PIEZO2: variants seen among roughly 807,000 people sequenced by gnomAD.
The protein encoded by PIEZO2 is piezo type mechanosensitive ion channel component 2, also known as piezo-type mechanosensitive ion channel component 2.
PIEZO2 carries 172 observed loss-of-function variants against 337.3 expected under a neutral mutation model. That is an observed-to-expected ratio of 0.51 (90% confidence interval 0.45 to 0.58). PIEZO2 has a LOEUF of 0.58. Among genes scored for constraint, PIEZO2 ranks in the 20% least tolerant of loss-of-function variants. The pLI is 0.00. For missense variants in PIEZO2, 3,028 were observed against 3,391.3 expected (o/e 0.89, Z 2.66); for synonymous variants, 1,251 against 1,228.5 (o/e 1.02, Z -0.38).
At chr18:10,702,317 G>T in intron 42 of PIEZO2, 146 bp from the exon 43 acceptor site, 1 of 725,908 alleles carries the variant, frequency 1.4e-6, no homozygotes, top group Non-Finnish European at 2.2e-6. Flanking sequence ...ATGTGGAATA[G>T]TAACATTATC....
intron 7 of PIEZO2, among the ~76,000 whole-genome samples, chr18:10,831,648 C>G (rs968205442): frequency 6.6e-6 from 1 of 152,084 alleles, no homozygotes; most frequent in East Asian, 1.9e-4. Flanking sequence ...AAGAGTAGAA[C>G]TGAAATGTTT....
rs2038033911 is a variant in PIEZO2 at position 10,759,584 on chromosome 18, C to G, written c.3656-1G>C. ...GCACCCTTGAATCTCCACGGGTAAT[C>G]TGCAGGGAGGGAAGTGGCGAACAGC... is the stretch of plus-strand genomic sequence containing the variant. On this transcript the variant is annotated splice_acceptor_variant, in intron 25 of 55. Coordinates refer to ENST00000674853, the MANE Select transcript of PIEZO2 (RefSeq NM_001378183.1). LOFTEE classifies it high-confidence loss of function. This position sits in a 1 kb window ranked among gnomAD's most constrained non-coding sequence, Gnocchi z 5.5. 6.5e-7 allele frequency: 1 copy of G among 1,537,266 alleles called. No individual in the cohort carries two copies. The highest frequency in any genetic ancestry group is 2.4e-5 in the East Asian group (1 of 40,908).
chr18:10,863,055 C>G lies in PIEZO2; in HGVS notation c.493-5844G>C, dbSNP rs147836937. On this transcript the variant is annotated intron_variant, in intron 5 of 55. Transcript: ENST00000674853. The surrounding 1 kb of genome is among the most constrained non-coding windows in gnomAD (Gnocchi z 4.3). ...TAAAAACATTTCTATAGAAGTGTAT[C>G]AAAGTCATGTATAATGAGCCAAAAG... is the stretch of plus-strand genomic sequence containing the variant. Among the ~76,000 whole-genome samples the G allele has an allele frequency of 8.2e-3, 1,251 of 152,240 alleles. 8 individuals carry two copies. Among genetic ancestry groups the G allele is most frequent in the Middle Eastern group, 0.017 (5 of 294 alleles).
intron 31 of PIEZO2, among the ~76,000 whole-genome samples, chr18:10,743,458 A>G (rs2037303249): frequency 6.6e-6 from 1 of 152,084 alleles, no homozygotes; most frequent in African/African-American, 2.4e-5. Context: ...TAAGAAGATT[A>G]TTTTCCATGG....
Position 10,979,815 on chromosome 18 carries a change from A to C in PIEZO2, c.161-155T>G, listed in dbSNP as rs931495878. Among the ~76,000 whole-genome samples the C allele has an allele frequency of 6.6e-6, 1 of 152,200 alleles. No homozygotes were observed. The highest frequency in any genetic ancestry group is 1.5e-5 in the Non-Finnish European group (1 of 68,026). On this transcript the variant is annotated intron_variant, in intron 2 of 55. Transcript: ENST00000674853. The surrounding 1 kb of genome is among the most constrained non-coding windows in gnomAD (Gnocchi z 4.0). ...CATCTTAATTATTAGTCTATAGCTAAATGGTATCTTATTCCCTTTGTAACA... is the reference window on the plus strand; with the variant it reads ...CATCTTAATTATTAGTCTATAGCTACATGGTATCTTATTCCCTTTGTAACA...
At chr18:11,042,695 T>C (rs1222965494) in intron 2 of PIEZO2, among the ~76,000 whole-genome samples, 2 of 152,182 alleles carry the variant, frequency 1.3e-5, no homozygotes, top group African/African-American at 4.8e-5. Context: ...AAGGCAATCG[T>C]CATTGTCACC....
chr18:10,810,270 C>G (rs2040148367), intron 7 of PIEZO2, among the ~76,000 whole-genome samples: 1 of 152,108 alleles, frequency 6.6e-6, no homozygotes, highest in African/African-American at 2.4e-5. Flanking sequence ...AGATAGGTCC[C>G]CAAGAGATGA....
At chr18:11,013,931 A>G (rs2035992185) in intron 2 of PIEZO2, among the ~76,000 whole-genome samples, 2 of 152,210 alleles carry the variant, frequency 1.3e-5, no homozygotes, top group South Asian at 4.1e-4. Flanking sequence ...ATCCTCAGTC[A>G]AGACATTACC....
chr18:10,718,049 A>G, intron 37 of PIEZO2, 151 bp downstream of exon 37: 1 of 685,718 alleles, frequency 1.5e-6, no homozygotes, highest in Non-Finnish European at 2.4e-6. Flanking sequence ...ATTTCAGTGG[A>G]GATGAGATTC....
chr18:10,984,187 G>A (rs2034782686), intron 2 of PIEZO2, among the ~76,000 whole-genome samples: 1 of 151,958 alleles, frequency 6.6e-6, no homozygotes, highest in South Asian at 2.1e-4. Context: ...AGAACATGAA[G>A]ATTCAAGAAA....
intron 2 of PIEZO2, among the ~76,000 whole-genome samples, chr18:11,000,923 G>C (rs751566293): frequency 6.6e-6 from 1 of 152,134 alleles, no homozygotes; most frequent in Non-Finnish European, 1.5e-5. Flanking sequence ...TGAGGGAAAG[G>C]TGCTGAGCCT....
intron 51 of PIEZO2, 123 bp downstream of exon 51, chr18:10,681,538 C>T: frequency 1.3e-6 from 1 of 741,576 alleles, no homozygotes; most frequent in Non-Finnish European, 2.3e-6. Context: ...CTCTATGTAA[C>T]TGATAAACCC....
intron 3 of PIEZO2, among the ~76,000 whole-genome samples, chr18:10,916,879 TCCTC>T (rs1034454384): frequency 6.6e-6 from 1 of 152,176 alleles, no homozygotes; most frequent in Non-Finnish European, 1.5e-5. Flanking sequence ...GTTTTTATTC[TCCTC>T]CCTATCATGT....
chr18:10,732,936 G>T (rs142750905), intron 35 of PIEZO2, among the ~76,000 whole-genome samples: 1 of 152,282 alleles, frequency 6.6e-6, no homozygotes, highest in Non-Finnish European at 1.5e-5. Context: ...CTTTAAAAAA[G>T]TGTTATCACA....
chr18:10,675,639 G>T (rs536578017), intron 53 of PIEZO2, among the ~76,000 whole-genome samples: 1 of 152,096 alleles, frequency 6.6e-6, no homozygotes, highest in African/African-American at 2.4e-5. Flanking sequence ...CATTAAGCAC[G>T]CTTCAAATTT....
chr18:11,072,754 T>C (rs2038390692), intron 1 of PIEZO2, among the ~76,000 whole-genome samples: 1 of 152,194 alleles, frequency 6.6e-6, no homozygotes. Context: ...CTGTGCTGTC[T>C]TCAAGAAGTG....
intron 4 of PIEZO2, among the ~76,000 whole-genome samples, chr18:10,874,535 C>T (rs2042222152): frequency 6.6e-6 from 1 of 152,090 alleles, no homozygotes; most frequent in Non-Finnish European, 1.5e-5. Context: ...CGGCACTATT[C>T]ACAATAGTCA....
At chr18:11,135,914 G>C (rs1321564501) in intron 1 of PIEZO2, among the ~76,000 whole-genome samples, 1 of 152,176 alleles carries the variant, frequency 6.6e-6, no homozygotes, top group South Asian at 2.1e-4. Context: ...TGCAAATCTT[G>C]AGTATGGATC....
chr18:10,731,748 G>T (rs946649309), intron 35 of PIEZO2, among the ~76,000 whole-genome samples: 1 of 151,694 alleles, frequency 6.6e-6, no homozygotes, highest in Admixed American at 6.6e-5. Flanking sequence ...ATAAACTTTG[G>T]GTACACCAAA....
Sources: gnomAD v4.1 joint callset for allele counts (sites outside exome capture counted in the v4.1 genomes callset) on GRCh38, gnomAD v4.1.1 for gene constraint, Gnocchi (gnomAD v3.1) non-coding constraint, MANE v1.5 for transcripts, NCBI Gene and HGNC (gene_info 2026-07-23, HGNC 2026-07-21) for gene names.